The following CYP39A1 variants were observed in gnomAD, a reference collection of about 807,000 sequenced individuals.
CYP39A1 encodes cytochrome P450 family 39 subfamily A member 1.
Under a neutral mutation model 58.1 loss-of-function variants are expected in CYP39A1, and 49 were observed. The ratio of observed to expected loss-of-function variants is 0.84; its 90% CI spans 0.67 to 1.07. The LOEUF (loss-of-function observed/expected upper bound fraction) is 1.07. Among genes scored for constraint, CYP39A1 ranks in the 50% least tolerant of loss-of-function variants. The pLI is 0.00. For missense variants in CYP39A1, 531 were observed against 539.4 expected (o/e 0.98, Z 0.16); for synonymous variants, 209 against 187.6 (o/e 1.11, Z -0.93).
intron 7 of CYP39A1, among the ~76,000 whole-genome samples, chr6:46,605,500 A>C (rs1773789157): frequency 6.6e-6 from 1 of 152,184 alleles, no homozygotes; most frequent in Non-Finnish European, 1.5e-5. Context: ...TTAACTTAAC[A>C]CTTTGGGAAA....
intron 10 of CYP39A1, among the ~76,000 whole-genome samples, chr6:46,572,034 G>A (rs373546787): frequency 1.3e-5 from 2 of 151,866 alleles, no homozygotes; most frequent in East Asian, 3.8e-4. Context: ...ATTTGCCTAT[G>A]GAAACTCTAC....
chr6:46,627,706 C>CT (rs1234046494), intron 6 of CYP39A1, among the ~76,000 whole-genome samples: 1 of 151,822 alleles, frequency 6.6e-6, no homozygotes, highest in Non-Finnish European at 1.5e-5. Context: ...GCGTGAGCCA[C>CT]TTTTTTTTAA....
chr6:46,639,055 T>G (rs181639070), intron 3 of CYP39A1, among the ~76,000 whole-genome samples: 10 of 152,310 alleles, frequency 6.6e-5, no homozygotes, highest in Non-Finnish European at 1.3e-4. Flanking sequence ...TCCTGGACTT[T>G]TTTCACCACT....
At chr6:46,572,842 T>G (rs1464707393) in intron 10 of CYP39A1, among the ~76,000 whole-genome samples, 1 of 152,104 alleles carries the variant, frequency 6.6e-6, no homozygotes, top group Non-Finnish European at 1.5e-5. Context: ...TAGGTTTACT[T>G]TACTCTTTTC....
At chr6:46,607,530 A>T (rs1773923161) in intron 7 of CYP39A1, among the ~76,000 whole-genome samples, 1 of 152,004 alleles carries the variant, frequency 6.6e-6, no homozygotes, top group Non-Finnish European at 1.5e-5. Flanking sequence ...AAATAAATAT[A>T]CATATAATTG....
rs1292671037 is a variant in CYP39A1 at position 46,636,441 on chromosome 6, TCAAA to T, written c.676_679del (p.Phe226ArgfsTer7). 6.2e-7 allele frequency: 1 copy of T among 1,610,436 alleles called. No individual in the cohort carries two copies. Among genetic ancestry groups the T allele is most frequent in the Admixed American group, 1.7e-5 (1 of 59,764 alleles). On this transcript the variant is annotated frameshift_variant, in exon 5 of 12. Coordinates refer to ENST00000275016, the MANE Select transcript of CYP39A1 (RefSeq NM_016593.5). LOFTEE classifies it high-confidence loss of function. ...TGCTTTTATATCTGGAATGTTTTTC[TCAAA>T]CAGTTCCAGGAACCACTTTTTGGAT...
At chr6:46,567,648 C>T (rs914275098) in intron 10 of CYP39A1, among the ~76,000 whole-genome samples, 3 of 151,956 alleles carry the variant, frequency 2.0e-5, no homozygotes, top group East Asian at 1.9e-4. Context: ...TCTTTGTTTA[C>T]GGTAGTCATT....
At chr6:46,621,438 A>G (rs1024179952) in intron 7 of CYP39A1, among the ~76,000 whole-genome samples, 3 of 152,178 alleles carry the variant, frequency 2.0e-5, no homozygotes, top group Non-Finnish European at 4.4e-5. Flanking sequence ...ACAATGACCC[A>G]GAAGGTAAAA....
intron 10 of CYP39A1, among the ~76,000 whole-genome samples, chr6:46,585,143 A>G (rs1395877997): frequency 6.6e-6 from 1 of 152,142 alleles, no homozygotes; most frequent in Non-Finnish European, 1.5e-5. Flanking sequence ...AATGTCTGTT[A>G]GCCTCAAATG....
At chr6:46,637,765 T>G in intron 4 of CYP39A1, 64 bp downstream of exon 4, 118 of 1,531,464 alleles carry the variant, frequency 7.7e-5, no homozygotes, top group Non-Finnish European at 9.4e-5. Flanking sequence ...AACAGAAAAA[T>G]GAGAGGTGTT....
At chr6:46,610,393 G>C (rs1244416427) in intron 7 of CYP39A1, among the ~76,000 whole-genome samples, 2 of 152,080 alleles carry the variant, frequency 1.3e-5, no homozygotes, top group African/African-American at 4.8e-5. Context: ...CCAGGCTGGA[G>C]TGCAGTGGCA....
intron 10 of CYP39A1, among the ~76,000 whole-genome samples, chr6:46,580,541 G>A (rs1582325944): frequency 6.6e-6 from 1 of 152,118 alleles, no homozygotes; most frequent in East Asian, 1.9e-4. Context: ...TGCACAGTAA[G>A]AGAAACTGTC....
chr6:46,553,845 A>T lies in CYP39A1; in HGVS notation c.1260T>A (p.Ala420=). 6.3e-7 allele frequency: 1 copy of T among 1,599,546 alleles called. No individual in the cohort carries two copies. Among genetic ancestry groups the T allele is most frequent in the Non-Finnish European group, 8.5e-7 (1 of 1,172,254 alleles). The change falls in exon 11 of 12, where the codon GCT becomes GCA. Residue 420 remains alanine, a synonymous_variant. Coordinates refer to ENST00000275016, the MANE Select transcript of CYP39A1 (RefSeq NM_016593.5). The part of the protein sequence containing the change: ...GKFQCPARWF[A]LLEVQMCIIL... ...TAATACACATCTGAACCTCTAACAG[A>T]GCAAACCACCTGGAAGAAACGAATA...
intron 1 of CYP39A1, among the ~76,000 whole-genome samples, chr6:46,649,622 C>T (rs188325910): frequency 7.9e-5 from 12 of 152,094 alleles, no homozygotes; most frequent in Non-Finnish European, 1.8e-4. Context: ...ACACATTTTG[C>T]TTATAAGGCG....
intron 10 of CYP39A1, chr6:46,583,208 C>T: frequency 1.0e-6 from 1 of 985,356 alleles, no homozygotes; most frequent in Non-Finnish European, 1.2e-6. Context: ...CCAAGCATGC[C>T]TTTATAAGCA....
At chr6:46,610,426 C>T (rs1298341117) in intron 7 of CYP39A1, among the ~76,000 whole-genome samples, 3 of 152,112 alleles carry the variant, frequency 2.0e-5, no homozygotes, top group African/African-American at 4.8e-5. Flanking sequence ...ACTGCAGCCT[C>T]GAACTCTTGG....
intron 4 of CYP39A1, 82 bp from the exon 5 acceptor site, chr6:46,636,564 G>T: frequency 1.2e-6 from 1 of 840,302 alleles, no homozygotes; most frequent in Non-Finnish European, 1.9e-6. Flanking sequence ...AGGGATGTCT[G>T]TGGAATTAAA....
chr6:46,636,312 T>A lies in CYP39A1; in HGVS notation c.732+77A>T. The A allele has an allele frequency of 2.6e-6, 3 of 1,135,572 alleles. No individual in the cohort carries two copies. The East Asian group carries it at 7.7e-5, about 29-fold the overall frequency. 70.3% of individuals were successfully genotyped at this position (1,135,572 alleles called of 1,614,324 possible). Reference sequence around the variant, plus strand: ...AATGGTATCTAATCAATCTCATGTGTTTTAGCAAAATATATTTTAACAACA... The same window carrying A: ...AATGGTATCTAATCAATCTCATGTGATTTAGCAAAATATATTTTAACAACA... On this transcript the variant is annotated intron_variant, in intron 5 of 11. Coordinates refer to ENST00000275016, the MANE Select transcript of CYP39A1 (RefSeq NM_016593.5).
chr6:46,585,266 A>G (rs953688398), intron 10 of CYP39A1, among the ~76,000 whole-genome samples: 1 of 152,086 alleles, frequency 6.6e-6, no homozygotes, highest in Non-Finnish European at 1.5e-5. Context: ...ATTGGTTTAA[A>G]ATACTGCTAG....
Sources: allele counts gnomAD v4.1 joint callset (sites outside exome capture counted in the v4.1 genomes callset), GRCh38; gene constraint gnomAD v4.1.1; transcripts MANE v1.5; gene names NCBI Gene and HGNC (gene_info 2026-07-23, HGNC 2026-07-21).